The following SOX5 variants were observed in gnomAD, a reference collection of about 807,000 sequenced individuals.
SOX5 encodes transcription factor SOX-5.
Under a neutral mutation model 92.0 loss-of-function variants are expected in SOX5, and 9 were observed. That is an observed-to-expected ratio of 0.10 (90% CI 0.06 to 0.17). The LOEUF is 0.17. SOX5 is among the 10% of genes least tolerant of loss of function. SOX5 has a pLI of 1.00. For synonymous variants in SOX5, 344 were observed against 336.3 expected (o/e 1.02, Z -0.25); for missense variants, 642 against 944.5 (o/e 0.68, Z 4.20).
At chr12:24,524,509 G>GAA (rs151328062) in intron 1 of SOX5, among the ~76,000 whole-genome samples, 2 of 150,012 alleles carry the variant, frequency 1.3e-5, no homozygotes, top group African/African-American at 4.9e-5. Context: ...GTTTTCAATT[G>GAA]AAAAAAAAAT....
chr12:24,217,015 C>T lies in SOX5; in HGVS notation c.-76-3598G>A, dbSNP rs141325944. On this transcript the variant is annotated intron_variant, in intron 3 of 4. Transcript: ENST00000446891. ...TGTACCAGGAGGGTGTTGCAACCAA[C>T]GCCATGAAGACAGAAACTTGTGCTC... Among the ~76,000 whole-genome samples the T allele has an allele frequency of 5.6e-3, 848 of 152,302 alleles. 5 individuals carry two copies. The highest frequency in any genetic ancestry group is 0.011 in the South Asian group (52 of 4,826).
chr12:24,078,734 T>G (rs1230985914), intron 4 of SOX5, among the ~76,000 whole-genome samples: 1 of 152,036 alleles, frequency 6.6e-6, no homozygotes, highest in Non-Finnish European at 1.5e-5. Flanking sequence ...CTCTATGCTC[T>G]CCACAAAGCC....
chr12:23,816,207 C>CTTTTT (rs11347313), intron 3 of SOX5, among the ~76,000 whole-genome samples: 4 of 129,646 alleles, frequency 3.1e-5, no homozygotes, highest in Non-Finnish European at 4.9e-5. Context: ...GACAAGATTT[C>CTTTTT]TTTTTTTTTT....
intron 1 of SOX5, among the ~76,000 whole-genome samples, chr12:24,454,723 C>G (rs150453823): frequency 1.8e-4 from 28 of 152,064 alleles, no homozygotes; most frequent in Non-Finnish European, 2.8e-4. Context: ...ATGCTTGGAA[C>G]GCACCCTTCC....
intron 4 of SOX5, among the ~76,000 whole-genome samples, chr12:23,987,881 C>T (rs1048572520): frequency 6.6e-6 from 1 of 152,050 alleles, no homozygotes; most frequent in Non-Finnish European, 1.5e-5. Context: ...GAGAAAGATA[C>T]AGTTTGATAT....
chr12:24,090,545 G>A (rs933856352), intron 4 of SOX5, among the ~76,000 whole-genome samples: 1 of 152,170 alleles, frequency 6.6e-6, no homozygotes, highest in Non-Finnish European at 1.5e-5. Context: ...TTACTGTACA[G>A]TCAAAGGAGC....
At chr12:23,546,203 T>C (rs1352573785) in intron 12 of SOX5, 113 bp downstream of exon 12, 1 of 649,746 alleles carries the variant, frequency 1.5e-6, no homozygotes, top group Non-Finnish European at 2.7e-6. Flanking sequence ...TGACCTCTTA[T>C]TGTAATGATG....
intron 4 of SOX5, among the ~76,000 whole-genome samples, chr12:24,095,120 CACACACACAGAG>C (rs1430408376): frequency 0.011 from 1,133 of 102,146 alleles, 15 homozygotes; most frequent in African/African-American, 0.032. Context: ...CACACACACA[CACACACACAGAG>C]AGAGAGAGAG....
intron 6 of SOX5, among the ~76,000 whole-genome samples, chr12:23,729,167 T>C (rs1462819591): frequency 6.6e-6 from 1 of 152,162 alleles, no homozygotes; most frequent in Admixed American, 6.6e-5. Context: ...ACTTGCTAAA[T>C]ACCAGTCACA....
chr12:24,035,274 AC>A (rs1326751403), intron 4 of SOX5, among the ~76,000 whole-genome samples: 10 of 152,068 alleles, frequency 6.6e-5, no homozygotes, highest in African/African-American at 2.4e-4. Context: ...ATATGGATTT[AC>A]TTGGTAAAAG....
intron 1 of SOX5, among the ~76,000 whole-genome samples, chr12:23,902,963 T>TG (rs1344926961): frequency 6.6e-6 from 1 of 152,176 alleles, no homozygotes; most frequent in Admixed American, 6.5e-5. Context: ...AAGTTACCTT[T>TG]GTGTCATAAA....
chr12:24,230,818 A>T (rs1963233862), intron 3 of SOX5, among the ~76,000 whole-genome samples: 2 of 152,210 alleles, frequency 1.3e-5, no homozygotes, highest in South Asian at 4.1e-4. Context: ...GTTTCCTGGT[A>T]ACTTTCATAT....
intron 4 of SOX5, among the ~76,000 whole-genome samples, chr12:23,962,372 C>G (rs1433319243): frequency 1.3e-5 from 2 of 152,216 alleles, no homozygotes; most frequent in Non-Finnish European, 2.9e-5. Flanking sequence ...AAACCACACA[C>G]GCAAACACAC....
At chr12:24,373,666 A>G (rs1238968364) in intron 1 of SOX5, among the ~76,000 whole-genome samples, 1 of 152,230 alleles carries the variant, frequency 6.6e-6, no homozygotes, top group Non-Finnish European at 1.5e-5. Context: ...ACAAACACAG[A>G]TATCAAAATG....
intron 4 of SOX5, among the ~76,000 whole-genome samples, chr12:24,114,211 CA>C (rs1357999038): frequency 1.3e-5 from 2 of 150,606 alleles, no homozygotes; most frequent in Admixed American, 1.3e-4. Context: ...ACAAAATTTT[CA>C]AAAAAAAGTC....
chr12:23,779,814 T>TATATACACACACAC (rs777013504), intron 3 of SOX5, among the ~76,000 whole-genome samples: 35 of 110,798 alleles, frequency 3.2e-4, no homozygotes, highest in African/African-American at 8.1e-4. Flanking sequence ...TATATATATA[T>TATATACACACACAC]ACACACACAC....
intron 1 of SOX5, among the ~76,000 whole-genome samples, chr12:23,934,104 A>G (rs1275234792): frequency 6.6e-6 from 1 of 151,508 alleles, no homozygotes; most frequent in African/African-American, 2.4e-5. Flanking sequence ...AATGTGAACA[A>G]TGCCTCTGAA....
At chr12:24,123,486 C>T (rs2138364117) in intron 4 of SOX5, among the ~76,000 whole-genome samples, 1 of 152,182 alleles carries the variant, frequency 6.6e-6, no homozygotes, top group East Asian at 1.9e-4. Context: ...TTGTGCCTTC[C>T]CCAAACCCTT....
At chr12:23,942,388 C>T (rs1326101445) in intron 1 of SOX5, among the ~76,000 whole-genome samples, 1 of 151,780 alleles carries the variant, frequency 6.6e-6, no homozygotes, top group Non-Finnish European at 1.5e-5. Flanking sequence ...AAAAGGCAAA[C>T]TCAGTACTAA....
Sources: allele counts gnomAD v4.1 joint callset (sites outside exome capture counted in the v4.1 genomes callset), GRCh38; gene constraint gnomAD v4.1.1; transcripts MANE v1.5; gene names NCBI Gene and HGNC (gene_info 2026-07-23, HGNC 2026-07-21).